The following GABBR2 variants were observed in gnomAD, a reference collection of about 807,000 sequenced individuals.
The protein encoded by GABBR2 is G-protein coupled receptor 51.
A neutral mutation model predicts 105.6 loss-of-function variants in GABBR2; 23 were observed. The observed-to-expected ratio is 0.22, with a 90% CI of 0.16 to 0.31. The LOEUF (loss-of-function observed/expected upper bound fraction) is 0.31, where lower values mean the gene tolerates loss of function less well. Among genes scored for constraint, GABBR2 ranks in the 10% least tolerant of loss-of-function variants. The pLI is 1.00. For synonymous variants in GABBR2, 478 were observed against 499.7 expected (o/e 0.96, Z 0.58); for missense variants, 734 against 1,245.5 (o/e 0.59, Z 6.18).
chr9:98,581,843 T>G (rs1188568337), intron 1 of GABBR2, among the ~76,000 whole-genome samples: 1 of 152,240 alleles, frequency 6.6e-6, no homozygotes, highest in Non-Finnish European at 1.5e-5. Flanking sequence ...ACAATGAATT[T>G]ATTAATACAT....
chr9:98,575,818 T>C (rs1828899066), intron 2 of GABBR2, among the ~76,000 whole-genome samples: 2 of 152,134 alleles, frequency 1.3e-5, no homozygotes. Context: ...TCCTGTTGCA[T>C]CCACCCACAA....
At chr9:98,692,895 A>T (rs909864042) in intron 1 of GABBR2, among the ~76,000 whole-genome samples, 1 of 152,218 alleles carries the variant, frequency 6.6e-6, no homozygotes, top group African/African-American at 2.4e-5. Context: ...ATTTTATAAG[A>T]ACTAAATGAG....
At chr9:98,364,190 T>C (rs1002876743) in intron 12 of GABBR2, among the ~76,000 whole-genome samples, 2 of 152,214 alleles carry the variant, frequency 1.3e-5, no homozygotes, top group Non-Finnish European at 2.9e-5. Flanking sequence ...TATGGTGAAC[T>C]GCTGGTGCTT....
intron 7 of GABBR2, among the ~76,000 whole-genome samples, chr9:98,435,961 G>C (rs1194894642): frequency 6.6e-6 from 1 of 151,898 alleles, no homozygotes; most frequent in African/African-American, 2.4e-5. Context: ...TATTTAAATG[G>C]TTATTCGGAT....
intron 1 of GABBR2, among the ~76,000 whole-genome samples, chr9:98,634,746 A>G (rs973699761): frequency 5.9e-5 from 9 of 152,142 alleles, no homozygotes; most frequent in African/African-American, 2.2e-4. Context: ...AGACTATACT[A>G]TCCCGATCAA....
chr9:98,345,566 C>G (rs1046868657), intron 13 of GABBR2, among the ~76,000 whole-genome samples: 3 of 152,184 alleles, frequency 2.0e-5, no homozygotes, highest in African/African-American at 7.2e-5. Context: ...TCCCCTCCCA[C>G]CACTCCTATT....
In GABBR2 at chr9:98,704,860, G is replaced by A. The variant is rs932384025; in HGVS notation, c.321+3557C>T. Reference sequence around the variant, plus strand: ...TGGAGAACATTTCTGAAGACAGGAAGATCACTTGAGCCCAGGAGTTCAAGG... The same window carrying A: ...TGGAGAACATTTCTGAAGACAGGAAAATCACTTGAGCCCAGGAGTTCAAGG... On this transcript the variant is annotated intron_variant, in intron 1 of 18. Coordinates refer to ENST00000259455, the MANE Select transcript of GABBR2 (RefSeq NM_005458.8). Among the ~76,000 whole-genome samples, 10 of 151,350 alleles carry A rather than the reference G, an allele frequency of 6.6e-5. No homozygotes were observed. In the East Asian group the frequency reaches 1.9e-3, roughly 29 times the overall value.
At chr9:98,463,222 A>G (rs1200838449) in intron 6 of GABBR2, among the ~76,000 whole-genome samples, 1 of 152,220 alleles carries the variant, frequency 6.6e-6, no homozygotes, top group East Asian at 1.9e-4. Context: ...GAAAACTATA[A>G]AACATTTCTG....
intron 3 of GABBR2, among the ~76,000 whole-genome samples, chr9:98,523,122 A>G (rs1827897174): frequency 6.6e-6 from 1 of 152,234 alleles, no homozygotes; most frequent in Non-Finnish European, 1.5e-5. Context: ...AAAGACATTT[A>G]TATGCTTAAC....
chr9:98,494,402 G>T (rs1564092022), intron 4 of GABBR2, among the ~76,000 whole-genome samples: 1 of 152,330 alleles, frequency 6.6e-6, no homozygotes, highest in East Asian at 1.9e-4. Context: ...ACAAGAAGGA[G>T]CTGTGCAGGT....
At chr9:98,639,052 C>A (rs981892861) in intron 1 of GABBR2, among the ~76,000 whole-genome samples, 2 of 152,112 alleles carry the variant, frequency 1.3e-5, no homozygotes, top group African/African-American at 4.8e-5. Flanking sequence ...ATTATTGGGC[C>A]ACAAGAAATA....
chr9:98,615,076 C>A (rs1222560698), intron 1 of GABBR2, among the ~76,000 whole-genome samples: 1 of 152,330 alleles, frequency 6.6e-6, no homozygotes, highest in South Asian at 2.1e-4. Context: ...GAAATGCCCC[C>A]ACTCAGGGAC....
At chr9:98,686,375 C>T (rs187181331) in intron 1 of GABBR2, among the ~76,000 whole-genome samples, 1 of 121,420 alleles carries the variant, frequency 8.2e-6, no homozygotes, top group Non-Finnish European at 1.7e-5. Flanking sequence ...TTGCAATAGT[C>T]CCCGAATAAA....
At chr9:98,345,666 T>A (rs1831291035) in intron 13 of GABBR2, among the ~76,000 whole-genome samples, 1 of 152,194 alleles carries the variant, frequency 6.6e-6, no homozygotes, top group Non-Finnish European at 1.5e-5. Flanking sequence ...TAAAATTGTC[T>A]CTGTTTGCAA....
chr9:98,446,547 G>A (rs1287903215), intron 7 of GABBR2, among the ~76,000 whole-genome samples: 6 of 152,258 alleles, frequency 3.9e-5, no homozygotes, highest in African/African-American at 1.4e-4. Flanking sequence ...AGGGTGGGCT[G>A]GTTAGCCAGA....
Position 98,306,068 on chromosome 9 carries a change from C to G in GABBR2, c.2229+53G>C, listed in dbSNP as rs1369503220. The G allele has an allele frequency of 3.3e-6, 4 of 1,205,440 alleles. No individual in the cohort carries two copies. The highest frequency in any genetic ancestry group is 4.9e-6 in the Non-Finnish European group (4 of 816,908). The allele number at this position is 1,205,440 out of a possible 1,614,324, so 74.7% of individuals were successfully genotyped here. On this transcript the variant is annotated intron_variant, in intron 15 of 18. Transcript: ENST00000259455. This position sits in a 1 kb window ranked among gnomAD's most constrained non-coding sequence, Gnocchi z 5.4. Reference sequence around the variant, plus strand: ...GAGAATGGAGAAAAGCCAGCAATGCCCCTGTGCTGGAGTCAGAGGGCAGAG... The same window carrying G: ...GAGAATGGAGAAAAGCCAGCAATGCGCCTGTGCTGGAGTCAGAGGGCAGAG...
At chr9:98,349,436 T>TCCGCC (rs1831358839) in intron 13 of GABBR2, among the ~76,000 whole-genome samples, 1 of 136,972 alleles carries the variant, frequency 7.3e-6, no homozygotes, top group Non-Finnish European at 1.5e-5. Context: ...CATTGCAACC[T>TCCGCC]CCGCCTCCTG....
At chr9:98,336,121 G>A (rs1353377588) in intron 13 of GABBR2, among the ~76,000 whole-genome samples, 1 of 152,230 alleles carries the variant, frequency 6.6e-6, no homozygotes, top group Non-Finnish European at 1.5e-5. Flanking sequence ...TGGCATTTAA[G>A]CTAGATCTGA....
chr9:98,518,017 G>A (rs762823725), intron 3 of GABBR2, among the ~76,000 whole-genome samples: 1 of 152,214 alleles, frequency 6.6e-6, no homozygotes, highest in Non-Finnish European at 1.5e-5. Flanking sequence ...GTGAAAGAGA[G>A]CCAATGGGAG....
Sources: gnomAD v4.1 joint callset for allele counts (sites outside exome capture counted in the v4.1 genomes callset) on GRCh38, gnomAD v4.1.1 for gene constraint, Gnocchi (gnomAD v3.1) non-coding constraint, MANE v1.5 for transcripts, NCBI Gene and HGNC (gene_info 2026-07-23, HGNC 2026-07-21) for gene names.